TBC1D5: variants seen among roughly 807,000 people sequenced by gnomAD.
The protein encoded by TBC1D5 is TBC1 domain family member 5.
In TBC1D5, 75 loss-of-function variants were observed where a neutral mutation model predicts 100.3. That is an observed-to-expected ratio of 0.75 (90% confidence interval 0.62 to 0.91). The LOEUF (loss-of-function observed/expected upper bound fraction) is 0.91, where lower values mean the gene tolerates loss of function less well. TBC1D5 is among the 40% of genes least tolerant of loss of function. The pLI, the probability that TBC1D5 is intolerant of heterozygous loss-of-function variation, is 0.00. For missense variants in TBC1D5, 910 were observed against 942.4 expected, an observed-to-expected ratio of 0.97 and a Z score of 0.45; for synonymous variants, 323 against 325.6, an observed-to-expected ratio of 0.99 and a Z score of 0.09.
At chr3:17,379,266 T>C (rs2092835504) in intron 9 of TBC1D5, among the ~76,000 whole-genome samples, 3 of 152,044 alleles carry the variant, frequency 2.0e-5, no homozygotes, top group African/African-American at 7.2e-5. Context: ...TCCAAAAATT[T>C]GCAGAACTGC....
chr3:17,586,521 TCTCCCTTAACTGAGCTGCTGGAAAA>T (rs2096734187), intron 2 of TBC1D5: 2 of 151,986 alleles, frequency 1.3e-5, no homozygotes, highest in Admixed American at 6.6e-5. Context: ...CAAACTAAGT[TCTCCCTTAACTGAGCTGCTGGAAAA>T]ACAGCATCTC....
At chr3:17,590,091 T>G (rs920493088) in intron 2 of TBC1D5, among the ~76,000 whole-genome samples, 4 of 152,192 alleles carry the variant, frequency 2.6e-5, no homozygotes, top group Admixed American at 6.5e-5. Flanking sequence ...TTTCTAGACC[T>G]ATAACTAGAC....
chr3:17,163,070 T>C (rs1418489225), intron 21 of TBC1D5, among the ~76,000 whole-genome samples: 1 of 152,230 alleles, frequency 6.6e-6, no homozygotes, highest in East Asian at 1.9e-4. Context: ...TAGCTTACAG[T>C]GAAGACGTCA....
chr3:17,541,629 T>C (rs1446451849), intron 2 of TBC1D5, among the ~76,000 whole-genome samples: 2 of 152,244 alleles, frequency 1.3e-5, no homozygotes, highest in Non-Finnish European at 2.9e-5. Context: ...CTACATATCA[T>C]CTGTGAACAG....
At chr3:17,344,158 T>C (rs1290627396) in intron 13 of TBC1D5, among the ~76,000 whole-genome samples, 1 of 152,170 alleles carries the variant, frequency 6.6e-6, no homozygotes, top group Admixed American at 6.5e-5. Context: ...TTGTATTATC[T>C]AGAAAACCCG....
intron 18 of TBC1D5, among the ~76,000 whole-genome samples, chr3:17,189,811 CT>C (rs1213983797): frequency 1.3e-5 from 2 of 152,180 alleles, no homozygotes; most frequent in African/African-American, 4.8e-5. Context: ...TTTCCTTTAC[CT>C]GAGATTCACC....
chr3:17,615,223 A>G (rs1308193673), intron 2 of TBC1D5, among the ~76,000 whole-genome samples: 1 of 152,240 alleles, frequency 6.6e-6, no homozygotes, highest in Non-Finnish European at 1.5e-5. Flanking sequence ...CTTGCAACCC[A>G]GGGATGAGGC....
At chr3:17,193,655 C>T (rs910401614) in intron 18 of TBC1D5, among the ~76,000 whole-genome samples, 1 of 152,146 alleles carries the variant, frequency 6.6e-6, no homozygotes, top group African/African-American at 2.4e-5. Flanking sequence ...TTCGGGTCTA[C>T]CTGATAAGGC....
In TBC1D5 at chr3:17,227,852, GTT is replaced by G. The variant is rs34995201; in HGVS notation, c.1588+10309_1588+10310del. Among the ~76,000 whole-genome samples the G allele has an allele frequency of 2.4e-3, 328 of 139,078 alleles. 2 individuals are homozygous for G. Among genetic ancestry groups the G allele is most frequent in the South Asian group, 0.014 (56 of 4,112 alleles). 91.2% of individuals were successfully genotyped at this position (139,078 alleles called of 152,430 possible). A position where few individuals can be genotyped will look rare whatever the true frequency, so the allele number is the denominator to read the frequency against. On this transcript the variant is annotated intron_variant, in intron 17 of 21. Coordinates refer to ENST00000253692, the Ensembl canonical transcript of TBC1D5. Reference sequence around the variant, plus strand: ...ATGTACCACTGAACCTAAAATAAAAGTTTTTTTTTTTTTTTTTAAGAAAAAAA... The same window carrying G: ...ATGTACCACTGAACCTAAAATAAAAGTTTTTTTTTTTTTTTAAGAAAAAAA...
At chr3:17,456,032 T>C (rs2095077056) in intron 3 of TBC1D5, among the ~76,000 whole-genome samples, 1 of 152,052 alleles carries the variant, frequency 6.6e-6, no homozygotes. Flanking sequence ...AAGGTGCCAC[T>C]AACATACATC....
intron 1 of TBC1D5, among the ~76,000 whole-genome samples, chr3:17,704,073 C>T (rs1257177338): frequency 7.0e-6 from 1 of 143,346 alleles, no homozygotes; most frequent in Admixed American, 7.0e-5. Flanking sequence ...CTGCGGCCTT[C>T]CGCAGTGTTT....
intron 1 of TBC1D5, among the ~76,000 whole-genome samples, chr3:17,707,493 T>C (rs2074293905): frequency 6.6e-6 from 1 of 152,184 alleles, no homozygotes; most frequent in Non-Finnish European, 1.5e-5. Context: ...TTAACTACTA[T>C]AATCAGATAC....
chr3:17,201,180 T>A (rs752547346), intron 18 of TBC1D5, among the ~76,000 whole-genome samples: 2 of 152,158 alleles, frequency 1.3e-5, no homozygotes, highest in Non-Finnish European at 2.9e-5. Context: ...CTTCAAGAAC[T>A]TAAAGCATGC....
intron 2 of TBC1D5, among the ~76,000 whole-genome samples, chr3:17,545,960 T>A (rs922129385): frequency 2.0e-5 from 3 of 152,182 alleles, no homozygotes; most frequent in Non-Finnish European, 4.4e-5. Context: ...TATAGATGTA[T>A]ATAACCTCAA....
At chr3:17,615,833 A>T (rs2062102011) in intron 2 of TBC1D5, among the ~76,000 whole-genome samples, 2 of 152,062 alleles carry the variant, frequency 1.3e-5, no homozygotes, top group Non-Finnish European at 2.9e-5. Flanking sequence ...CTTTCAAAAA[A>T]CCAGCTCCTG....
At chr3:17,320,051 G>A (rs1412019331) in intron 13 of TBC1D5, among the ~76,000 whole-genome samples, 1 of 152,098 alleles carries the variant, frequency 6.6e-6, no homozygotes, top group African/African-American at 2.4e-5. Flanking sequence ...TTATTTTGGG[G>A]ACATTTAGGT....
chr3:17,530,022 T>A (rs1349432676), intron 2 of TBC1D5, among the ~76,000 whole-genome samples: 2 of 152,090 alleles, frequency 1.3e-5, no homozygotes, highest in Non-Finnish European at 2.9e-5. Flanking sequence ...GGCAGGTGGA[T>A]CACCCGAGGT....
chr3:17,477,120 T>C (rs569707847), intron 3 of TBC1D5, among the ~76,000 whole-genome samples: 5 of 152,078 alleles, frequency 3.3e-5, no homozygotes, highest in South Asian at 2.1e-4. Flanking sequence ...CACAAACTTA[T>C]GTGAATTTTT....
At position 17,693,649 on chromosome 3, in the gene TBC1D5, C is replaced by A. The variant is rs533178155; in HGVS notation, c.-101+45694G>T. On this transcript the variant is annotated intron_variant, in intron 1 of 21. Transcript: ENST00000253692. ...AGCCGCTAGACTCCACCTCCGTACA[C>A]AGGCCTTAGCTGGACAAAAGGCAGC... is the stretch of plus-strand genomic sequence containing the variant. Among the ~76,000 whole-genome samples the A allele has an allele frequency of 2.4e-3, 368 of 152,386 alleles. 2 individuals carry two copies. Among genetic ancestry groups the A allele is most frequent in the Non-Finnish European group, 4.5e-3 (303 of 68,042 alleles).
Sources: allele counts gnomAD v4.1 joint callset (sites outside exome capture counted in the v4.1 genomes callset), GRCh38; gene constraint gnomAD v4.1.1; transcripts MANE v1.5; gene names NCBI Gene and HGNC (gene_info 2026-07-23, HGNC 2026-07-21).